CCDC93: variants seen among roughly 807,000 people sequenced by gnomAD.
CCDC93 encodes CCC complex scaffolding subunit CCDC93.
A neutral mutation model predicts 108.2 loss-of-function variants in CCDC93; 61 were observed. The ratio of observed to expected loss-of-function variants is 0.56; its 90% confidence interval spans 0.46 to 0.70. The LOEUF is 0.70. CCDC93 is among the 30% of genes least tolerant of loss of function. The pLI, the probability that CCDC93 is intolerant of heterozygous loss-of-function variation, is 0.00. For synonymous variants in CCDC93, 276 were observed against 260.4 expected, an observed-to-expected ratio of 1.06 and a Z score of -0.58; for missense variants, 685 against 764.2, an observed-to-expected ratio of 0.90 and a Z score of 1.22.
intron 13 of CCDC93, chr2:117,950,315 C>A (rs1159012502): frequency 1.0e-6 from 1 of 985,068 alleles, no homozygotes; most frequent in East Asian, 1.1e-4. Flanking sequence ...ACAGAGCAAG[C>A]AAAACTAGAT....
chr2:117,928,394 T>A (rs1414806007), intron 23 of CCDC93, among the ~76,000 whole-genome samples: 1 of 151,876 alleles, frequency 6.6e-6, no homozygotes, highest in East Asian at 1.9e-4. Flanking sequence ...GAATCTACAA[T>A]GAACTCAAAA....
Position 117,917,641 on chromosome 2 carries a change from T to G in CCDC93, c.*2702A>C, listed in dbSNP as rs994801539. The G allele has an allele frequency of 2.6e-5, 4 of 152,248 alleles. No homozygotes were observed. Among genetic ancestry groups the G allele is most frequent in the African/African-American group, 9.7e-5 (4 of 41,450 alleles). The allele number at this position is 152,248 out of a possible 1,614,324, so 9.4% of individuals were successfully genotyped here. ...TGACGACTGTTTAACATTCTGTACC[T>G]CCCTCTAGTGGTGTTAGCTAACCCA... On this transcript the variant is annotated 3_prime_UTR_variant, in exon 24 of 24. Transcript: ENST00000376300.
chr2:117,986,663 T>C (rs1680329340), intron 6 of CCDC93, among the ~76,000 whole-genome samples: 1 of 152,196 alleles, frequency 6.6e-6, no homozygotes, highest in Non-Finnish European at 1.5e-5. Flanking sequence ...AACTTTATTA[T>C]TTTACTTTAG....
rs1677777848 is a variant in CCDC93 at position 117,918,980 on chromosome 2, T to C, written c.*1363A>G. The C allele has an allele frequency of 6.6e-6, 1 of 152,284 alleles. No individual in the cohort carries two copies. The highest frequency in any genetic ancestry group is 6.5e-5 in the Admixed American group (1 of 15,288). 9.4% of individuals were successfully genotyped at this position (152,284 alleles called of 1,614,324 possible). A position where few individuals can be genotyped will look rare whatever the true frequency, so the allele number is the denominator to read the frequency against. On this transcript the variant is annotated 3_prime_UTR_variant, in exon 24 of 24. Coordinates refer to ENST00000376300, the MANE Select transcript of CCDC93 (RefSeq NM_019044.5). ...TGAACACATTTCTGTGGCTGCTGAA[T>C]GCCCCACTTGCTTGACATGTTTAAG...
At chr2:117,965,669 AT>A (rs1186446776) in intron 11 of CCDC93, among the ~76,000 whole-genome samples, 1 of 152,186 alleles carries the variant, frequency 6.6e-6, no homozygotes, top group Non-Finnish European at 1.5e-5. Context: ...AAATTGTATT[AT>A]TCTGTAATTT....
chr2:117,944,545 G>A (rs1678807154), intron 17 of CCDC93, among the ~76,000 whole-genome samples: 1 of 151,698 alleles, frequency 6.6e-6, no homozygotes, highest in African/African-American at 2.4e-5. Context: ...AAGTTCTTTT[G>A]GACAGCATTG....
In CCDC93 at chr2:118,000,684, C is replaced by T. The variant is rs941246145; in HGVS notation, c.363+137G>A. On this transcript the variant is annotated intron_variant, in intron 4 of 23. Transcript: ENST00000376300. ...TGAAGATGACGACAACGAACACCAC[C>T]ATGTTCTGCTGTACCAAATCTAAGC... 5.0e-6 allele frequency: 3 copies of T among 601,096 alleles called. No individual in the cohort carries two copies. In the African/African-American group the frequency reaches 5.6e-5, roughly 11 times the overall value. 37.2% of individuals were successfully genotyped at this position (601,096 alleles called of 1,614,324 possible).
At chr2:118,009,319 C>T (rs1676961600) in intron 1 of CCDC93, among the ~76,000 whole-genome samples, 1 of 151,994 alleles carries the variant, frequency 6.6e-6, no homozygotes, top group Admixed American at 6.6e-5. Context: ...TGCAGTGAGC[C>T]AAGATCGTAC....
chr2:117,964,643 G>A (rs938465045), intron 11 of CCDC93, among the ~76,000 whole-genome samples: 2 of 152,068 alleles, frequency 1.3e-5, no homozygotes, highest in Non-Finnish European at 2.9e-5. Flanking sequence ...CTGTTGCCCA[G>A]GCTGGAATGC....
intron 12 of CCDC93, among the ~76,000 whole-genome samples, chr2:117,955,059 G>C (rs1181092888): frequency 6.6e-6 from 1 of 151,964 alleles, no homozygotes; most frequent in Non-Finnish European, 1.5e-5. Flanking sequence ...TTATCAGCAG[G>C]GTGAGAATGG....
chr2:117,989,489 G>T (rs558636456), intron 6 of CCDC93, among the ~76,000 whole-genome samples: 1 of 152,150 alleles, frequency 6.6e-6, no homozygotes, highest in Non-Finnish European at 1.5e-5. Flanking sequence ...CGTTCTTCTT[G>T]ATCAGTCCTC....
At chr2:117,985,852 C>T in intron 7 of CCDC93, 117 bp downstream of exon 7, 1 of 622,680 alleles carries the variant, frequency 1.6e-6, no homozygotes, top group South Asian at 2.1e-5. Context: ...TGTTGGAAAT[C>T]TCATGGCTGA....
chr2:117,949,518 T>C (rs1678982928), intron 13 of CCDC93, 123 bp from the exon 14 acceptor site: 2 of 736,174 alleles, frequency 2.7e-6, no homozygotes, highest in Non-Finnish European at 4.5e-6. Context: ...TGGATTTTAA[T>C]GTGTAAAGTA....
chr2:118,000,640 T>C (rs976837570), intron 4 of CCDC93, 181 bp downstream of exon 4: 5 of 568,502 alleles, frequency 8.8e-6, no homozygotes, highest in South Asian at 6.7e-5. Context: ...CTAGAGTATA[T>C]GCAGGACTGG....
intron 22 of CCDC93, 28 bp from the exon 23 acceptor site, chr2:117,931,178 T>C (rs971754): frequency 0.99 from 1,537,480 of 1,546,390 alleles, 764,759 homozygotes; most frequent in East Asian, 1. Context: ...GAAATGGTGA[T>C]GAAAAGACAT....
chr2:117,993,178 C>T (rs1004826568), intron 6 of CCDC93, among the ~76,000 whole-genome samples: 5 of 152,064 alleles, frequency 3.3e-5, no homozygotes, highest in Admixed American at 6.5e-5. Context: ...GGGCGGACCT[C>T]GAGGTCAGGA....
chr2:117,915,794 A>T lies in CCDC93; in HGVS notation c.*4549T>A, dbSNP rs1205340554. 6.6e-6 allele frequency: 1 copy of T among 152,200 alleles called. No homozygotes were observed. The highest frequency in any genetic ancestry group is 1.5e-5 in the Non-Finnish European group (1 of 68,038). The allele number at this position is 152,200 out of a possible 1,614,324, so 9.4% of individuals were successfully genotyped here. ...TGTGAAAACATATGCACACACATAC[A>T]TCTACACACTTTCTCCATTCCAAAC... On this transcript the variant is annotated 3_prime_UTR_variant, in exon 24 of 24. Transcript: ENST00000376300.
At chr2:117,940,295 G>A (rs1345514044) in intron 19 of CCDC93, among the ~76,000 whole-genome samples, 1 of 152,162 alleles carries the variant, frequency 6.6e-6, no homozygotes, top group Non-Finnish European at 1.5e-5. Context: ...CTGGGGTGGG[G>A]TGCCTAGAAT....
intron 21 of CCDC93, chr2:117,935,844 T>C (rs1573468923): frequency 3.1e-6 from 1 of 319,628 alleles, no homozygotes. Context: ...ATAACTAATA[T>C]GTATTTTCTT....
Sources: gnomAD v4.1 joint callset for allele counts (sites outside exome capture counted in the v4.1 genomes callset) on GRCh38, gnomAD v4.1.1 for gene constraint, MANE v1.5 for transcripts, NCBI Gene and HGNC (gene_info 2026-07-23, HGNC 2026-07-21) for gene names.